KPNA3: variants seen among roughly 807,000 people sequenced by gnomAD.
The protein encoded by KPNA3 is importin subunit alpha-4.
KPNA3 carries 13 observed loss-of-function variants against 73.8 expected under a neutral mutation model. That is an observed-to-expected ratio of 0.18 (90% confidence interval 0.11 to 0.28). KPNA3 has a LOEUF of 0.28. Among genes scored for constraint, KPNA3 ranks in the 10% least tolerant of loss-of-function variants. The pLI is 1.00. For missense variants in KPNA3, 360 were observed against 618.1 expected (o/e 0.58, Z 4.43); for synonymous variants, 186 against 206.9 (o/e 0.90, Z 0.87).
rs1566330909 is a variant in KPNA3, at chr13:49,704,477, AT to A, written c.1372+1143del. 3.5e-4 allele frequency among the ~76,000 whole-genome samples: 40 copies of A among 113,516 alleles called. No individual in the cohort carries two copies. In the East Asian group the frequency reaches 8.7e-3, roughly 25 times the overall value. 74.5% of individuals were successfully genotyped at this position (113,516 alleles called of 152,430 possible). On this transcript the variant is annotated intron_variant, in intron 15 of 16. Transcript: ENST00000261667. ...AATAAATAAATAAATAAATAAATAA[AT>A]AAATAGAAAGAAAGAAATCCTCCCA...
rs187715368 is a variant in KPNA3, at chr13:49,731,816, T to A, written c.383+555A>T. On this transcript the variant is annotated intron_variant, in intron 6 of 16. Coordinates refer to ENST00000261667, the MANE Select transcript of KPNA3 (RefSeq NM_002267.4). ...TTCCTCAAAAGATATCCAGTGGAGT[T>A]TTACTCCTTCTCTCCTGGGTAAATA... Among the ~76,000 whole-genome samples, 1,415 of 152,276 alleles carry A rather than the reference T, an allele frequency of 9.3e-3. 17 individuals are homozygous for A. Among genetic ancestry groups the A allele is most frequent in the African/African-American group, 0.032 (1,327 of 41,556 alleles).
intron 1 of KPNA3, among the ~76,000 whole-genome samples, chr13:49,749,788 G>A (rs546243154): frequency 6.6e-6 from 1 of 152,098 alleles, no homozygotes; most frequent in Non-Finnish European, 1.5e-5. Context: ...AATAATTAAA[G>A]ACCACTTATT....
chr13:49,710,151 A>G (rs1954246926), intron 11 of KPNA3, among the ~76,000 whole-genome samples: 1 of 152,128 alleles, frequency 6.6e-6, no homozygotes. Flanking sequence ...AATCCCAGCT[A>G]CTCTGAAGGC....
At chr13:49,770,021 T>C (rs1954840066) in intron 1 of KPNA3, among the ~76,000 whole-genome samples, 1 of 152,170 alleles carries the variant, frequency 6.6e-6, no homozygotes, top group African/African-American at 2.4e-5. Flanking sequence ...TTGTTGGTCA[T>C]TTGTATGCCT....
chr13:49,725,969 G>A (rs889513270), intron 6 of KPNA3, among the ~76,000 whole-genome samples: 3 of 152,070 alleles, frequency 2.0e-5, no homozygotes, highest in African/African-American at 7.2e-5. Flanking sequence ...AATCTCTTTG[G>A]CTCCCAAAGC....
rs754877367 is a variant in KPNA3, at chr13:49,722,142, A to C, written c.557-18T>G. On this transcript the variant is annotated intron_variant, in intron 8 of 16. Coordinates refer to ENST00000261667, the MANE Select transcript of KPNA3 (RefSeq NM_002267.4). Reference sequence around the variant, plus strand: ...ACCATCACCTACAGAAATGAAAATTATATTTAAAAAAAACTTACATTCAGG... The same window carrying C: ...ACCATCACCTACAGAAATGAAAATTCTATTTAAAAAAAACTTACATTCAGG... 145 of 1,483,670 alleles carry C rather than the reference A, an allele frequency of 9.8e-5. No homozygotes were observed. Among genetic ancestry groups the C allele is most frequent in the Non-Finnish European group, 1.3e-4 (142 of 1,110,688 alleles). 91.9% of individuals were successfully genotyped at this position (1,483,670 alleles called of 1,614,324 possible). A position where few individuals can be genotyped will look rare whatever the true frequency, so the allele number is the denominator to read the frequency against.
At chr13:49,752,476 C>G (rs1442009817) in intron 1 of KPNA3, among the ~76,000 whole-genome samples, 1 of 151,908 alleles carries the variant, frequency 6.6e-6, no homozygotes, top group Non-Finnish European at 1.5e-5. Flanking sequence ...TATTGAAAGC[C>G]TACTGAAAAG....
At chr13:49,776,001 T>C (rs1252583554) in intron 1 of KPNA3, among the ~76,000 whole-genome samples, 2 of 152,204 alleles carry the variant, frequency 1.3e-5, no homozygotes, top group African/African-American at 4.8e-5. Flanking sequence ...ACAAAAATGT[T>C]TGTTTGCACT....
intron 2 of KPNA3, among the ~76,000 whole-genome samples, chr13:49,743,783 G>A (rs902924072): frequency 1.3e-5 from 2 of 152,090 alleles, no homozygotes; most frequent in African/African-American, 4.8e-5. Context: ...TAAACAAGAG[G>A]AGGCTTCTGA....
At chr13:49,792,351 G>A (rs1393346434) in intron 1 of KPNA3, 87 bp downstream of exon 1, 8 of 884,534 alleles carry the variant, frequency 9.0e-6, no homozygotes, top group African/African-American at 3.6e-5. Flanking sequence ...AAGCCGACGA[G>A]AACCAGCCCG....
intron 12 of KPNA3, among the ~76,000 whole-genome samples, chr13:49,706,930 T>C (rs1185120028): frequency 6.6e-6 from 1 of 152,050 alleles, no homozygotes; most frequent in South Asian, 2.1e-4. Flanking sequence ...CTTCTATTTT[T>C]AGTAGAGACG....
At position 49,706,095 on chromosome 13, in the gene KPNA3, C is replaced by T. The variant is rs764948890; in HGVS notation, c.1209+3G>A. 1.9e-6 allele frequency: 3 copies of T among 1,612,380 alleles called. No homozygotes were observed. Among genetic ancestry groups the T allele is most frequent in the Admixed American group, 3.3e-5 (2 of 59,750 alleles). Reference sequence around the variant, plus strand: ...CATGACAGTTACAGGTTTTCAAACTCACCTGATCTTTTCTGCCACTTATTG... The same window carrying T: ...CATGACAGTTACAGGTTTTCAAACTTACCTGATCTTTTCTGCCACTTATTG... On this transcript the variant is annotated splice_donor_region_variant and intron_variant, in intron 14 of 16. Coordinates refer to ENST00000261667, the MANE Select transcript of KPNA3 (RefSeq NM_002267.4).
intron 6 of KPNA3, among the ~76,000 whole-genome samples, chr13:49,727,743 G>C (rs1954423650): frequency 6.6e-6 from 1 of 152,008 alleles, no homozygotes; most frequent in South Asian, 2.1e-4. Context: ...CACTAAGAGG[G>C]GTAAGGGGTA....
In KPNA3 at chr13:49,705,729, C is replaced by A. The variant is rs150806977; in HGVS notation, c.1264G>T (p.Val422Leu). 115 of 1,614,022 alleles carry A rather than the reference C, an allele frequency of 7.1e-5. No individual in the cohort carries two copies. In the African/African-American group the frequency reaches 1.5e-3, roughly 21 times the overall value. Reference protein sequence around the residue: ...VIPPFCNLLSVKDSQVVQVVL... With the variant: ...VIPPFCNLLSLKDSQVVQVVL... The stretch of plus-strand genomic sequence containing the variant: ...ACCTGAACCACTTGAGAATCTTTCA[C>A]TGACAGTAAATTACAGAACGGTGGT... Residue 422 changes from valine to leucine, a missense_variant, in exon 15 of 17, where the codon GTG (valine) becomes TTG (leucine). Coordinates refer to ENST00000261667, the MANE Select transcript of KPNA3 (RefSeq NM_002267.4).
intron 6 of KPNA3, among the ~76,000 whole-genome samples, chr13:49,726,134 C>A (rs972764974): frequency 5.3e-5 from 8 of 152,184 alleles, no homozygotes; most frequent in African/African-American, 1.9e-4. Context: ...TATATAATCA[C>A]CCCTAATATC....
chr13:49,729,580 C>T (rs758671702), intron 6 of KPNA3, among the ~76,000 whole-genome samples: 7 of 151,994 alleles, frequency 4.6e-5, no homozygotes, highest in Non-Finnish European at 7.4e-5. Flanking sequence ...GTCAGGAGAT[C>T]GAGACCATCC....
At position 49,732,601 on chromosome 13, in the gene KPNA3, T is replaced by G; in HGVS notation, c.287+4A>C. 6.2e-7 allele frequency: 1 copy of G among 1,604,256 alleles called. No homozygotes were observed. Among genetic ancestry groups the G allele is most frequent in the East Asian group, 2.2e-5 (1 of 44,736 alleles). On this transcript the variant is annotated splice_donor_region_variant and intron_variant, in intron 5 of 16. Coordinates refer to ENST00000261667, the MANE Select transcript of KPNA3 (RefSeq NM_002267.4). ...ATTCTCTCTCTAGACAAATTAGTAT[T>G]TACCTTGCTGCCTGGACAGCACTCA...
At chr13:49,741,835 A>G (rs1328199755) in intron 2 of KPNA3, among the ~76,000 whole-genome samples, 1 of 152,016 alleles carries the variant, frequency 6.6e-6, no homozygotes, top group East Asian at 1.9e-4. Context: ...GTTTGCAAAT[A>G]TTTTCTATAG....
intron 1 of KPNA3, among the ~76,000 whole-genome samples, chr13:49,763,944 G>A (rs1208262076): frequency 6.6e-6 from 1 of 152,030 alleles, no homozygotes; most frequent in East Asian, 1.9e-4. Flanking sequence ...CTGTGCACCT[G>A]GAGTCTCAGC....
Sources: allele counts gnomAD v4.1 joint callset (sites outside exome capture counted in the v4.1 genomes callset), GRCh38; gene constraint gnomAD v4.1.1; transcripts MANE v1.5; gene names NCBI Gene and HGNC (gene_info 2026-07-23, HGNC 2026-07-21).